The following BLTP3B variants were observed in gnomAD, a reference collection of about 807,000 sequenced individuals.
BLTP3B encodes bridge-like lipid transfer protein family member 3B, also known as UHRF1 (ICBP90) binding protein 1-like.
chr12:100,077,361 A>G, the BLTP3B span, among the ~76,000 whole-genome samples: 1 of 152,254 alleles, frequency 6.6e-6, no homozygotes, highest in African/African-American at 2.4e-5. Context: ...ATCTAAGTAC[A>G]GTTAATGATG....
the BLTP3B span, among the ~76,000 whole-genome samples, chr12:100,095,413 AG>A: frequency 2.0e-5 from 3 of 152,216 alleles, no homozygotes; most frequent in Non-Finnish European, 2.9e-5. Flanking sequence ...TCCTAAACAG[AG>A]GTATTAAAAC....
the BLTP3B span, among the ~76,000 whole-genome samples, chr12:100,103,429 C>T: frequency 6.6e-6 from 1 of 152,138 alleles, no homozygotes; most frequent in Non-Finnish European, 1.5e-5. Flanking sequence ...TTCTCTATTT[C>T]ATATATAGCA....
chr12:100,113,211 C>T, the BLTP3B span, among the ~76,000 whole-genome samples: 902 of 151,544 alleles, frequency 6.0e-3, 9 homozygotes, highest in African/African-American at 0.021. Context: ...TGCGGTGGCT[C>T]ATGCCTGTAA....
At chr12:100,046,268 T>C in the BLTP3B span, among the ~76,000 whole-genome samples, 4 of 152,042 alleles carry the variant, frequency 2.6e-5, no homozygotes, top group African/African-American at 4.8e-5. Context: ...TATAAAGATA[T>C]ATGCACACAT....
chr12:100,057,291 T>G, the BLTP3B span, among the ~76,000 whole-genome samples: 5 of 152,128 alleles, frequency 3.3e-5, no homozygotes, highest in Admixed American at 3.3e-4. Context: ...GAACAACCAT[T>G]AGAGGAAAGT....
chr12:100,057,801 A>G, the BLTP3B span: 27 of 1,470,052 alleles, frequency 1.8e-5, no homozygotes, highest in Admixed American at 4.6e-4. Context: ...ATTCTATCTA[A>G]AAAATACTTC....
At chr12:100,058,064 G>C in the BLTP3B span, 2 of 1,584,028 alleles carry the variant, frequency 1.3e-6, no homozygotes, top group Non-Finnish European at 8.5e-7. Flanking sequence ...TTCTAACTGG[G>C]GGGGTCTCTT....
At chr12:100,141,431 A>C in the BLTP3B span, among the ~76,000 whole-genome samples, 3 of 130,078 alleles carry the variant, frequency 2.3e-5, no homozygotes, top group African/African-American at 9.9e-5. Context: ...ATATATGTAC[A>C]TATGTATATA....
chr12:100,043,397 G>T, the BLTP3B span, among the ~76,000 whole-genome samples: 1 of 152,160 alleles, frequency 6.6e-6, no homozygotes, highest in Non-Finnish European at 1.5e-5. Context: ...ATGAATGTAA[G>T]AGTTTATCTC....
At chr12:100,048,771 A>AGAGAGAGT in the BLTP3B span, among the ~76,000 whole-genome samples, 1 of 114,978 alleles carries the variant, frequency 8.7e-6, no homozygotes, top group African/African-American at 3.3e-5. Flanking sequence ...AGTGAGAGTG[A>AGAGAGAGT]GTGTGTGTGT....
chr12:100,084,363 C>T, the BLTP3B span: 1 of 1,126,722 alleles, frequency 8.9e-7, no homozygotes, highest in Non-Finnish European at 1.2e-6. Context: ...TACTCATTTA[C>T]AGGAAATACT....
At chr12:100,139,483 C>T in the BLTP3B span, among the ~76,000 whole-genome samples, 1 of 152,110 alleles carries the variant, frequency 6.6e-6, no homozygotes, top group South Asian at 2.1e-4. Context: ...ATTTCCTTAC[C>T]GGAAGACCCC....
At chr12:100,128,416 G>C in the BLTP3B span, among the ~76,000 whole-genome samples, 1 of 152,056 alleles carries the variant, frequency 6.6e-6, no homozygotes, top group Admixed American at 6.6e-5. Flanking sequence ...AAGACACTCA[G>C]AGAGGAATTA....
At chr12:100,129,972 C>T in the BLTP3B span, among the ~76,000 whole-genome samples, 1 of 152,118 alleles carries the variant, frequency 6.6e-6, no homozygotes, top group Non-Finnish European at 1.5e-5. Context: ...TCTTCCCCCC[C>T]TTGGGATGGA....
chr12:100,115,611 A>C, the BLTP3B span, among the ~76,000 whole-genome samples: 1 of 152,022 alleles, frequency 6.6e-6, no homozygotes, highest in African/African-American at 2.4e-5. Flanking sequence ...CTCTACAAAA[A>C]ATTTTTAAAT....
At chr12:100,113,756 G>A in the BLTP3B span, among the ~76,000 whole-genome samples, 1 of 151,196 alleles carries the variant, frequency 6.6e-6, no homozygotes, top group Non-Finnish European at 1.5e-5. Flanking sequence ...CCAAGAGTTT[G>A]ACACTAGTCT....
the BLTP3B span, chr12:100,084,429 G>A: frequency 1.3e-5 from 18 of 1,391,526 alleles, no homozygotes; most frequent in Admixed American, 2.6e-4. Context: ...CACACACAGA[G>A]TGCAAACACT....
chr12:100,110,158 T>C, the BLTP3B span, among the ~76,000 whole-genome samples: 1 of 152,194 alleles, frequency 6.6e-6, no homozygotes, highest in Non-Finnish European at 1.5e-5. Flanking sequence ...TTTTGGAAAT[T>C]AAATATAAAG....
chr12:100,101,017 A>G, the BLTP3B span, among the ~76,000 whole-genome samples: 1 of 152,212 alleles, frequency 6.6e-6, no homozygotes, highest in African/African-American at 2.4e-5. Context: ...AAGAATTAGG[A>G]AGAACACTAT....
Sources: gnomAD v4.1 joint callset for allele counts (sites outside exome capture counted in the v4.1 genomes callset) on GRCh38, gnomAD v4.1.1 for gene constraint, MANE v1.5 for transcripts, NCBI Gene and HGNC (gene_info 2026-07-23, HGNC 2026-07-21) for gene names.